Variants in RARB observed in about 807,000 individuals in gnomAD.
RARB encodes retinoic acid receptor beta.
A neutral mutation model predicts 51.9 loss-of-function variants in RARB; 17 were observed. The observed-to-expected ratio is 0.33, with a 90% CI of 0.22 to 0.49. RARB has a LOEUF of 0.49. RARB is among the 20% of genes least tolerant of loss of function. The pLI is 0.99. For missense variants in RARB, 369 were observed against 550.8 expected (o/e 0.67, Z 3.30); for synonymous variants, 215 against 195.4 (o/e 1.10, Z -0.84).
intron 1 of RARB, among the ~76,000 whole-genome samples, chr3:24,844,584 G>A (rs1196020419): frequency 6.6e-6 from 1 of 152,184 alleles, no homozygotes; most frequent in Admixed American, 6.5e-5. Flanking sequence ...TTGCTGCCTT[G>A]AGGACTGTGA....
At chr3:25,366,065 T>C (rs1367151688) in intron 5 of RARB, among the ~76,000 whole-genome samples, 1 of 152,188 alleles carries the variant, frequency 6.6e-6, no homozygotes, top group Non-Finnish European at 1.5e-5. Flanking sequence ...CCTACTGACT[T>C]TTTCCCTATA....
chr3:25,340,486 T>C (rs190998822), intron 5 of RARB, among the ~76,000 whole-genome samples: 3 of 152,292 alleles, frequency 2.0e-5, no homozygotes, highest in African/African-American at 7.2e-5. Flanking sequence ...GGAATGCGTA[T>C]TCTTATCAGT....
chr3:25,412,685 C>G (rs1302126620), intron 5 of RARB, among the ~76,000 whole-genome samples: 2 of 152,164 alleles, frequency 1.3e-5, no homozygotes, highest in Non-Finnish European at 2.9e-5. Context: ...GTTTTTACAA[C>G]TGAACACAAA....
rs1233540183 is a variant in RARB, at chr3:24,990,135, T to G, written c.-379-69990T>G. The stretch of plus-strand genomic sequence containing the variant: ...TATAATGGAACTTTTCTTTTTTTTT[T>G]TTGTTATTTCACTATTGTTTATTTT... On this transcript the variant is annotated intron_variant, in intron 2 of 11. Coordinates refer to the RARB transcript ENST00000383772. Among the ~76,000 whole-genome samples the G allele has an allele frequency of 1.9e-5, 2 of 106,510 alleles. 1 individual carries two copies. The allele number at this position is 106,510 out of a possible 152,430, so 69.9% of individuals were successfully genotyped here.
At chr3:25,567,492 A>G (rs1007070773) in intron 3 of RARB, among the ~76,000 whole-genome samples, 1 of 152,126 alleles carries the variant, frequency 6.6e-6, no homozygotes, top group African/African-American at 2.4e-5. Context: ...ATTCCTTTCT[A>G]TGACAAATAA....
intron 2 of RARB, among the ~76,000 whole-genome samples, chr3:24,971,174 A>G (rs545753544): frequency 2.7e-4 from 41 of 152,158 alleles, no homozygotes; most frequent in African/African-American, 8.9e-4. Flanking sequence ...GTGCTAGGTA[A>G]CATGCCAATT....
intron 5 of RARB, among the ~76,000 whole-genome samples, chr3:25,256,584 C>T (rs551639355): frequency 3.3e-5 from 5 of 152,088 alleles, no homozygotes; most frequent in South Asian, 2.1e-4. Context: ...CATAATCAAA[C>T]GTATAACCAT....
chr3:25,500,470 T>TTTTTTTTTTTTTTTTTTTTTTTTTTG (rs1697254667), intron 2 of RARB, among the ~76,000 whole-genome samples: 1 of 127,772 alleles, frequency 7.8e-6, no homozygotes, highest in Non-Finnish European at 1.7e-5. Flanking sequence ...TTTTTTTTTT[T>TTTTTTTTTTTTTTTTTTTTTTTTTTG]TTTTTTTTTT....
intron 2 of RARB, among the ~76,000 whole-genome samples, chr3:25,034,301 C>A (rs1370856339): frequency 1.1e-4 from 17 of 152,128 alleles, no homozygotes; most frequent in Admixed American, 1.1e-3. Context: ...CACAGGGAGA[C>A]CTTGTCACAA....
intron 5 of RARB, among the ~76,000 whole-genome samples, chr3:25,348,441 G>A (rs1705463466): frequency 7.6e-6 from 1 of 132,214 alleles, no homozygotes; most frequent in Admixed American, 7.2e-5. Context: ...TATTTGCTTA[G>A]GCTTGTTGGC....
At chr3:25,208,787 G>A (rs1701622700) in intron 5 of RARB, among the ~76,000 whole-genome samples, 1 of 152,126 alleles carries the variant, frequency 6.6e-6, no homozygotes. Flanking sequence ...CAGCTGCTGA[G>A]CTTGTACCTT....
intron 5 of RARB, among the ~76,000 whole-genome samples, chr3:25,347,736 A>G (rs1705436893): frequency 1.3e-5 from 2 of 152,216 alleles, no homozygotes; most frequent in Admixed American, 1.3e-4. Flanking sequence ...TATTTTATGA[A>G]GAAGGGAATC....
intron 1 of RARB, among the ~76,000 whole-genome samples, chr3:24,843,936 C>T (rs987615307): frequency 4.7e-5 from 7 of 150,464 alleles, no homozygotes; most frequent in South Asian, 2.1e-4. Flanking sequence ...CACACACACA[C>T]ATTCTCTCGG....
chr3:24,907,232 T>C (rs1031832691), intron 2 of RARB, among the ~76,000 whole-genome samples: 2 of 152,164 alleles, frequency 1.3e-5, no homozygotes, highest in African/African-American at 4.8e-5. Flanking sequence ...AGCATCAGAA[T>C]CACTTAGAGA....
intron 2 of RARB, among the ~76,000 whole-genome samples, chr3:25,058,509 C>T (rs971548701): frequency 6.7e-6 from 1 of 149,978 alleles, no homozygotes; most frequent in African/African-American, 2.4e-5. Flanking sequence ...AATCCATGCC[C>T]TCATGAAGCT....
chr3:25,035,479 A>G (rs1202076639), intron 2 of RARB, among the ~76,000 whole-genome samples: 2 of 150,004 alleles, frequency 1.3e-5, no homozygotes, highest in Non-Finnish European at 2.9e-5. Context: ...CATGTGGATA[A>G]AAAAACTGAG....
chr3:25,130,342 A>G (rs1002669664), intron 3 of RARB, among the ~76,000 whole-genome samples: 1 of 152,076 alleles, frequency 6.6e-6, no homozygotes, highest in Admixed American at 6.6e-5. Context: ...CGTTCCCTGA[A>G]TTCTCTCAGC....
intron 3 of RARB, among the ~76,000 whole-genome samples, chr3:25,526,276 A>G (rs182632832): frequency 6.6e-5 from 10 of 152,304 alleles, no homozygotes; most frequent in Admixed American, 5.9e-4. Flanking sequence ...GTGGTCCAAT[A>G]TGTCATTGAA....
chr3:25,473,306 A>G (rs539277883), intron 2 of RARB, among the ~76,000 whole-genome samples: 1 of 145,652 alleles, frequency 6.9e-6, no homozygotes, highest in Admixed American at 6.9e-5. Context: ...CTCATCCCTG[A>G]AAAAAAAAAA....
Sources: allele counts gnomAD v4.1 joint callset (sites outside exome capture counted in the v4.1 genomes callset), GRCh38; gene constraint gnomAD v4.1.1; transcripts MANE v1.5; gene names NCBI Gene and HGNC (gene_info 2026-07-23, HGNC 2026-07-21).